The following CUBN variants were observed in gnomAD, a reference collection of about 807,000 sequenced individuals.
CUBN encodes cubilin.
A neutral mutation model predicts 405.3 loss-of-function variants in CUBN; 282 were observed. The observed-to-expected ratio is 0.70, with a 90% CI of 0.63 to 0.77. The LOEUF is 0.77. Ranked by LOEUF, CUBN falls within the 30% of genes least tolerant of loss-of-function variation. The pLI, the probability that CUBN is intolerant of heterozygous loss-of-function variation, is 0.00. For synonymous variants in CUBN, 1,684 were observed against 1,617.0 expected (o/e 1.04, Z -0.99); for missense variants, 4,514 against 4,475.2 (o/e 1.01, Z -0.25).
Position 16,824,939 on chromosome 10 carries a change from A to G in CUBN, c.*36T>C. ...CAGAGTGCTGTCCAGCGTGCTGCAG[A>G]GGGAAAGTGCTGAGTGAACACGAGT... On this transcript the variant is annotated 3_prime_UTR_variant, in exon 67 of 67. Coordinates refer to ENST00000377833, the MANE Select transcript of CUBN (RefSeq NM_001081.4). 1 of 1,448,782 alleles carries G rather than the reference A, an allele frequency of 6.9e-7. No individual in the cohort carries two copies. Among genetic ancestry groups the G allele is most frequent in the Non-Finnish European group, 9.7e-7 (1 of 1,030,046 alleles). The allele number at this position is 1,448,782 out of a possible 1,614,324, so 89.7% of individuals were successfully genotyped here.
chr10:16,957,215 G>A (rs1408107791), intron 31 of CUBN, among the ~76,000 whole-genome samples: 1 of 151,994 alleles, frequency 6.6e-6, no homozygotes, highest in East Asian at 1.9e-4. Flanking sequence ...CCAGCCTCTG[G>A]TAACCACTAT....
At chr10:16,935,572 T>C (rs1347081806) in intron 39 of CUBN, among the ~76,000 whole-genome samples, 3 of 152,012 alleles carry the variant, frequency 2.0e-5, no homozygotes, top group Admixed American at 6.5e-5. Context: ...TAAATATATG[T>C]GTGTATAAGA....
intron 60 of CUBN, among the ~76,000 whole-genome samples, chr10:16,843,990 C>T (rs1031439215): frequency 1.4e-4 from 22 of 152,100 alleles, no homozygotes; most frequent in African/African-American, 5.3e-4. Flanking sequence ...TCCAGACCTG[C>T]GGGGCGTGGT....
intron 28 of CUBN, among the ~76,000 whole-genome samples, chr10:17,018,743 T>G (rs1050555287): frequency 6.6e-6 from 1 of 152,174 alleles, no homozygotes; most frequent in Non-Finnish European, 1.5e-5. Context: ...GATTCATACA[T>G]TTTACAGAGC....
At chr10:17,069,192 C>A (rs1472229838) in intron 19 of CUBN, among the ~76,000 whole-genome samples, 4 of 152,034 alleles carry the variant, frequency 2.6e-5, no homozygotes, top group African/African-American at 9.7e-5. Flanking sequence ...TATCCGTTTA[C>A]CAGTTGATGG....
At chr10:16,964,632 T>C (rs1302097038) in intron 31 of CUBN, among the ~76,000 whole-genome samples, 3 of 152,174 alleles carry the variant, frequency 2.0e-5, no homozygotes, top group Non-Finnish European at 4.4e-5. Context: ...ATAAAATCTA[T>C]ATTAAAAGTT....
At chr10:17,087,460 A>ATTTTTATTT (rs1564510318) in intron 15 of CUBN, among the ~76,000 whole-genome samples, 1 of 99,098 alleles carries the variant, frequency 1.0e-5, no homozygotes, top group Non-Finnish European at 2.0e-5. Context: ...AATCACTATT[A>ATTTTTATTT]TTTTTCTTTT....
At chr10:17,019,102 G>A (rs749151127) in intron 28 of CUBN, among the ~76,000 whole-genome samples, 9 of 152,172 alleles carry the variant, frequency 5.9e-5, no homozygotes, top group Admixed American at 2.0e-4. Context: ...CAGGTTCCAG[G>A]TAATGCTGAC....
intron 51 of CUBN, among the ~76,000 whole-genome samples, chr10:16,902,024 A>AAT (rs1841400355): frequency 1.6e-5 from 1 of 61,978 alleles, no homozygotes; most frequent in African/African-American, 4.9e-5. Flanking sequence ...CACCATATAT[A>AAT]GTGTGTATAT....
At chr10:16,944,972 C>G (rs1213069330) in intron 36 of CUBN, among the ~76,000 whole-genome samples, 2 of 152,156 alleles carry the variant, frequency 1.3e-5, no homozygotes, top group African/African-American at 4.8e-5. Flanking sequence ...CTTCTTTAAC[C>G]TTCACAGTCC....
At chr10:16,949,170 GTATTGC>G (rs1460445721) in intron 34 of CUBN, among the ~76,000 whole-genome samples, 1 of 152,184 alleles carries the variant, frequency 6.6e-6, no homozygotes, top group Non-Finnish European at 1.5e-5. Flanking sequence ...TCAGCGCAAG[GTATTGC>G]TATGTAACAG....
At chr10:16,928,386 C>T (rs2131586921) in intron 40 of CUBN, 83 bp from the exon 41 acceptor site, 2 of 1,480,430 alleles carry the variant, frequency 1.4e-6, no homozygotes, top group Non-Finnish European at 1.9e-6. Context: ...CAAAGCAGCT[C>T]ACACATTTTT....
chr10:16,857,514 C>A (rs1228393875), intron 59 of CUBN, among the ~76,000 whole-genome samples: 6 of 152,144 alleles, frequency 3.9e-5, no homozygotes, highest in Admixed American at 3.9e-4. Context: ...AGCCCCAGGG[C>A]ATTTTATGAG....
intron 51 of CUBN, among the ~76,000 whole-genome samples, chr10:16,902,298 G>T (rs1841419980): frequency 7.4e-6 from 1 of 134,722 alleles, no homozygotes. Context: ...ATATATATTT[G>T]TGTATATATA....
chr10:17,023,440 TG>T (rs1834561032), intron 27 of CUBN, among the ~76,000 whole-genome samples: 1 of 152,078 alleles, frequency 6.6e-6, no homozygotes, highest in East Asian at 1.9e-4. Flanking sequence ...TCAGGTTTTT[TG>T]TTTATATTCA....
intron 27 of CUBN, among the ~76,000 whole-genome samples, chr10:17,021,564 G>T (rs1344692693): frequency 6.6e-6 from 1 of 152,232 alleles, no homozygotes; most frequent in African/African-American, 2.4e-5. Context: ...GTATGTGTGA[G>T]TGTCTGTGTG....
rs114873876 is a variant in CUBN at position 16,938,914 on chromosome 10, A to G, written c.5733+49T>C. 877 of 1,478,922 alleles carry G rather than the reference A, an allele frequency of 5.9e-4. 5 individuals carry two copies. In the African/African-American group the frequency reaches 0.011, roughly 18 times the overall value. The allele number at this position is 1,478,922 out of a possible 1,614,324, so 91.6% of individuals were successfully genotyped here. A position where few individuals can be genotyped will look rare whatever the true frequency, so the allele number is the denominator to read the frequency against. On this transcript the variant is annotated intron_variant, in intron 38 of 66. Coordinates refer to ENST00000377833, the MANE Select transcript of CUBN (RefSeq NM_001081.4). Reference sequence around the variant, plus strand: ...CGTTACCTTGGATTTATTTTTACCAATAGCAATTCACCAATATTTATGAAC... The same window carrying G: ...CGTTACCTTGGATTTATTTTTACCAGTAGCAATTCACCAATATTTATGAAC...
At chr10:16,844,688 G>A (rs975893482) in intron 60 of CUBN, among the ~76,000 whole-genome samples, 5 of 152,108 alleles carry the variant, frequency 3.3e-5, no homozygotes, top group Non-Finnish European at 5.9e-5. Context: ...TTGTGGCCTC[G>A]GGATAACTGA....
intron 10 of CUBN, among the ~76,000 whole-genome samples, chr10:17,107,941 T>C (rs1042147706): frequency 9.2e-5 from 14 of 152,150 alleles, no homozygotes; most frequent in African/African-American, 3.1e-4. Flanking sequence ...AAAATATTTA[T>C]AGGGAAAAAT....
Sources: gnomAD v4.1 joint callset for allele counts (sites outside exome capture counted in the v4.1 genomes callset) on GRCh38, gnomAD v4.1.1 for gene constraint, MANE v1.5 for transcripts, NCBI Gene and HGNC (gene_info 2026-07-23, HGNC 2026-07-21) for gene names.